MYO18B: variants seen among roughly 807,000 people sequenced by gnomAD.
MYO18B encodes the protein myosin XVIIIB.
MYO18B carries 204 observed loss-of-function variants against 273.0 expected under a neutral mutation model. The observed-to-expected ratio is 0.75, with a 90% CI of 0.67 to 0.84. MYO18B has a LOEUF of 0.84. MYO18B is among the 40% of genes least tolerant of loss of function. The pLI is 0.00. For missense variants in MYO18B, 3,212 were observed against 3,287.6 expected, an observed-to-expected ratio of 0.98 and a Z score of 0.56; for synonymous variants, 1,330 against 1,305.7, an observed-to-expected ratio of 1.02 and a Z score of -0.40.
intron 42 of MYO18B, among the ~76,000 whole-genome samples, chr22:26,017,997 G>T (rs185485073): frequency 6.9e-6 from 1 of 145,358 alleles, no homozygotes; most frequent in Non-Finnish European, 1.5e-5. Flanking sequence ...TTTTGCGGGG[G>T]CAGGGGGTGT....
chr22:25,821,624 A>G (rs928309802), intron 12 of MYO18B, among the ~76,000 whole-genome samples: 114 of 152,238 alleles, frequency 7.5e-4, no homozygotes, highest in African/African-American at 2.5e-3. Flanking sequence ...AAAAATACAA[A>G]AAATTAGCTG....
intron 12 of MYO18B, among the ~76,000 whole-genome samples, chr22:25,803,967 AACAC>A (rs151023852): frequency 0.022 from 2,967 of 136,928 alleles, 75 homozygotes; most frequent in African/African-American, 0.065. Context: ...TGACCCAGTG[AACAC>A]ACACACACAC....
chr22:26,010,748 C>G (rs2146945093), intron 42 of MYO18B, among the ~76,000 whole-genome samples: 1 of 152,220 alleles, frequency 6.6e-6, no homozygotes, highest in African/African-American at 2.4e-5. Context: ...CCAGGGAAAA[C>G]TAGGACTGGG....
intron 1 of MYO18B, among the ~76,000 whole-genome samples, chr22:25,755,562 C>G (rs1228877034): frequency 6.6e-6 from 1 of 152,200 alleles, no homozygotes; most frequent in Non-Finnish European, 1.5e-5. Context: ...TCTGTTCCCT[C>G]CAAATCTCAT....
chr22:25,927,661 C>T (rs954399295), intron 34 of MYO18B, among the ~76,000 whole-genome samples: 26 of 152,146 alleles, frequency 1.7e-4, no homozygotes, highest in Admixed American at 3.3e-4. Context: ...CACACCTATT[C>T]GCGTACTCCC....
intron 34 of MYO18B, among the ~76,000 whole-genome samples, chr22:25,923,819 C>G (rs1462426489): frequency 2.6e-5 from 4 of 152,152 alleles, no homozygotes; most frequent in South Asian, 2.1e-4. Flanking sequence ...TTCCCTTCCC[C>G]CAACAGGTGG....
intron 17 of MYO18B, among the ~76,000 whole-genome samples, chr22:25,839,188 GTGTT>G (rs1422699796): frequency 1.3e-4 from 20 of 151,538 alleles, no homozygotes; most frequent in African/African-American, 3.4e-4. Flanking sequence ...ATGTATGAGT[GTGTT>G]TGTATATGTG....
chr22:26,059,978 A>G, the MYO18B span, among the ~76,000 whole-genome samples: 1 of 152,248 alleles, frequency 6.6e-6, no homozygotes, highest in African/African-American at 2.4e-5. Flanking sequence ...TTTGCTAGTC[A>G]GAATTCTGGG....
chr22:25,859,588 A>G (rs1449830964), intron 21 of MYO18B, among the ~76,000 whole-genome samples: 1 of 151,598 alleles, frequency 6.6e-6, no homozygotes, highest in East Asian at 1.9e-4. Context: ...GCAAAGCGGC[A>G]TCTCATTGTG....
chr22:25,828,816 G>T lies in MYO18B; in HGVS notation c.2827G>T (p.Val943Leu). Residue 943 changes from valine (V) to leucine (L), a missense_variant, in exon 15 of 44, where the codon GTG becomes TTG. By Grantham distance (32) the Val-to-Leu change is conservative. Transcript: ENST00000335473. ...CCATCTCTCCATGGCCTCCATCATG[G>T]TGGTGGACTCTCCAGGCTTCCAGAA... ...SHHLSMASIM[V>L]VDSPGFQNPR... 1.9e-6 allele frequency: 3 copies of T among 1,613,856 alleles called. No homozygotes were observed. In the East Asian group the frequency reaches 6.7e-5, roughly 36 times the overall value.
intron 34 of MYO18B, among the ~76,000 whole-genome samples, chr22:25,938,191 A>C (rs940797068): frequency 1.3e-5 from 2 of 151,634 alleles, no homozygotes; most frequent in Non-Finnish European, 2.9e-5. Flanking sequence ...TCCTCTCCAC[A>C]CCTCATTCCA....
intron 12 of MYO18B, among the ~76,000 whole-genome samples, chr22:25,816,948 T>A (rs534989601): frequency 5.9e-5 from 9 of 152,332 alleles, no homozygotes; most frequent in African/African-American, 2.2e-4. Context: ...CACATAATGT[T>A]GAGTAATTCA....
intron 21 of MYO18B, among the ~76,000 whole-genome samples, chr22:25,866,483 C>T: frequency 6.6e-6 from 1 of 152,146 alleles, no homozygotes; most frequent in East Asian, 1.9e-4. Context: ...CCTATGGAAT[C>T]TCTCTGGTTT....
intron 33 of MYO18B, among the ~76,000 whole-genome samples, chr22:25,912,917 G>T (rs1362478643): frequency 6.6e-6 from 1 of 152,104 alleles, no homozygotes. Flanking sequence ...ATGTTTTTGA[G>T]ATTAGTCTAT....
chr22:25,848,805 G>T (rs1342831082), intron 20 of MYO18B, among the ~76,000 whole-genome samples: 1 of 152,132 alleles, frequency 6.6e-6, no homozygotes, highest in African/African-American at 2.4e-5. Flanking sequence ...CATGCTCTCT[G>T]CAGAGGACAG....
chr22:26,045,185 C>T, the MYO18B span, among the ~76,000 whole-genome samples: 1 of 151,898 alleles, frequency 6.6e-6, no homozygotes. Context: ...CTGTCATCTC[C>T]ATGGAAACAC....
intron 40 of MYO18B, among the ~76,000 whole-genome samples, chr22:25,998,418 C>T (rs1933572258): frequency 6.6e-6 from 1 of 152,162 alleles, no homozygotes; most frequent in African/African-American, 2.4e-5. Flanking sequence ...ACCTCTTGCT[C>T]TTGGGTCGGC....
chr22:26,062,144 C>A, the MYO18B span, among the ~76,000 whole-genome samples: 1 of 152,302 alleles, frequency 6.6e-6, no homozygotes, highest in Admixed American at 6.5e-5. Flanking sequence ...CCATCTTTCT[C>A]TTACCCCCTT....
At chr22:26,023,078 C>G (rs1384622306) in intron 42 of MYO18B, among the ~76,000 whole-genome samples, 5 of 152,242 alleles carry the variant, frequency 3.3e-5, no homozygotes, top group Admixed American at 3.3e-4. Context: ...TCTGTTTCCC[C>G]TCTCTCCTTC....
Sources: gnomAD v4.1 joint callset for allele counts (sites outside exome capture counted in the v4.1 genomes callset) on GRCh38, gnomAD v4.1.1 for gene constraint, MANE v1.5 for transcripts, NCBI Gene and HGNC (gene_info 2026-07-23, HGNC 2026-07-21) for gene names.